CNBD1: variants seen among roughly 807,000 people sequenced by gnomAD.
CNBD1 encodes cyclic nucleotide-binding domain-containing protein 1.
CNBD1 carries 71 observed loss-of-function variants against 54.4 expected under a neutral mutation model. The ratio of observed to expected loss-of-function variants is 1.30; its 90% confidence interval spans 1.08 to 1.59. CNBD1 has a LOEUF of 1.59. Ranked by LOEUF, CNBD1 falls within the 40% of genes most tolerant of loss-of-function variation. The pLI, the probability that CNBD1 is intolerant of heterozygous loss-of-function variation, is 0.00. For synonymous variants in CNBD1, 182 were observed against 170.7 expected, an observed-to-expected ratio of 1.07 and a Z score of -0.51; for missense variants, 659 against 518.0, an observed-to-expected ratio of 1.27 and a Z score of -2.64.
At chr8:87,312,327 A>G (rs985849093) in intron 8 of CNBD1, among the ~76,000 whole-genome samples, 1 of 152,070 alleles carries the variant, frequency 6.6e-6, no homozygotes, top group African/African-American at 2.4e-5. Flanking sequence ...ATATGCACAC[A>G]TTCTCTATTC....
chr8:87,173,232 T>C (rs1037497159), intron 4 of CNBD1, among the ~76,000 whole-genome samples: 3 of 152,180 alleles, frequency 2.0e-5, no homozygotes, highest in African/African-American at 4.8e-5. Flanking sequence ...TATATCTCAT[T>C]GTAATGTCTA....
At chr8:87,197,949 A>G (rs1392619525) in intron 4 of CNBD1, among the ~76,000 whole-genome samples, 2 of 152,122 alleles carry the variant, frequency 1.3e-5, no homozygotes, top group African/African-American at 2.4e-5. Context: ...GATCGGAGAG[A>G]TTCAAGAGTC....
At chr8:87,263,134 T>G (rs113434328) in intron 6 of CNBD1, among the ~76,000 whole-genome samples, 6 of 152,280 alleles carry the variant, frequency 3.9e-5, no homozygotes, top group African/African-American at 1.4e-4. Flanking sequence ...TGGTATTATA[T>G]ATAGTGGTTT....
At chr8:87,322,480 T>C (rs1809558293) in intron 8 of CNBD1, among the ~76,000 whole-genome samples, 1 of 122,454 alleles carries the variant, frequency 8.2e-6, no homozygotes, top group Non-Finnish European at 1.8e-5. Context: ...TTCCTGACTT[T>C]TTAATGATTG....
chr8:87,025,777 G>A (rs747761127), intron 4 of CNBD1, among the ~76,000 whole-genome samples: 14 of 152,102 alleles, frequency 9.2e-5, no homozygotes, highest in Admixed American at 2.0e-4. Context: ...CGAACCCACC[G>A]GAAGGAAGAA....
At chr8:87,023,285 C>T (rs1181534040) in intron 4 of CNBD1, among the ~76,000 whole-genome samples, 2 of 72,906 alleles carry the variant, frequency 2.7e-5, no homozygotes, top group African/African-American at 1.5e-4. Flanking sequence ...TAAGATGGAA[C>T]ACAGTTAACA....
chr8:87,283,508 T>C (rs1042300562), intron 6 of CNBD1, among the ~76,000 whole-genome samples: 1 of 152,078 alleles, frequency 6.6e-6, no homozygotes, highest in Admixed American at 6.6e-5. Flanking sequence ...CCTAGGAGTT[T>C]TACTAGTTGT....
In CNBD1 at chr8:87,329,156, C is replaced by T. The variant is rs118124619; in HGVS notation, c.1043-22529C>T. ...TTTTGCATGTGGATGTGCAGTTGTT[C>T]AGCACTGTTCTTTGGAAAGACTACC... On this transcript the variant is annotated intron_variant, in intron 8 of 10. Coordinates refer to ENST00000518476, the MANE Select transcript of CNBD1 (RefSeq NM_173538.3). Among the ~76,000 whole-genome samples the T allele has an allele frequency of 1.3e-3, 204 of 152,096 alleles. 2 individuals carry two copies. The East Asian group carries it at 0.022, about 16-fold the overall frequency.
chr8:87,186,967 A>G (rs1054178852), intron 4 of CNBD1, among the ~76,000 whole-genome samples: 1 of 152,116 alleles, frequency 6.6e-6, no homozygotes, highest in South Asian at 2.1e-4. Flanking sequence ...AAGTGGATTA[A>G]TTATCATTGA....
At chr8:87,426,530 A>G (rs543590185) in intron 2 of CNBD1, among the ~76,000 whole-genome samples, 212 of 152,362 alleles carry the variant, frequency 1.4e-3, no homozygotes, top group African/African-American at 4.7e-3. Flanking sequence ...ATTAAAAACA[A>G]TAACAGAAAC....
chr8:87,370,437 T>C (rs1810755547), intron 10 of CNBD1, among the ~76,000 whole-genome samples: 1 of 152,152 alleles, frequency 6.6e-6, no homozygotes, highest in Non-Finnish European at 1.5e-5. Context: ...TGTGAGATGG[T>C]ATCTCATTGT....
intron 5 of CNBD1, among the ~76,000 whole-genome samples, chr8:87,223,230 T>TTTTA (rs201362606): frequency 0.047 from 7,054 of 149,580 alleles, 503 homozygotes; most frequent in African/African-American, 0.15. Context: ...TTTTTTTAAT[T>TTTTA]TTTATTTATT....
chr8:87,358,878 T>C (rs972311267), intron 10 of CNBD1, among the ~76,000 whole-genome samples: 1 of 152,182 alleles, frequency 6.6e-6, no homozygotes, highest in East Asian at 1.9e-4. Flanking sequence ...GATGGCCATC[T>C]TAGCTGAAGA....
chr8:87,370,454 G>C (rs899146261), intron 10 of CNBD1, among the ~76,000 whole-genome samples: 1 of 152,110 alleles, frequency 6.6e-6, no homozygotes, highest in African/African-American at 2.4e-5. Flanking sequence ...TTGTGGTTTT[G>C]ATTTGCATTT....
intron 3 of CNBD1, among the ~76,000 whole-genome samples, chr8:86,916,873 T>A (rs922994375): frequency 1.4e-5 from 2 of 144,046 alleles, no homozygotes; most frequent in Non-Finnish European, 3.1e-5. Context: ...CCAGCTAACT[T>A]TTTTTTTTTT....
chr8:86,893,583 A>G (rs1440857413), intron 2 of CNBD1, among the ~76,000 whole-genome samples: 3 of 152,196 alleles, frequency 2.0e-5, no homozygotes, highest in Non-Finnish European at 4.4e-5. Flanking sequence ...GAAACAAATC[A>G]TTCTTTCCTG....
At chr8:87,206,229 A>T (rs1813972834) in intron 5 of CNBD1, 91 bp downstream of exon 5, 1 of 1,039,652 alleles carries the variant, frequency 9.6e-7, no homozygotes, top group South Asian at 2.6e-5. Context: ...AATTTCACTT[A>T]ACAATTTCAG....
At chr8:87,088,342 G>C (rs553881780) in intron 4 of CNBD1, among the ~76,000 whole-genome samples, 1 of 152,216 alleles carries the variant, frequency 6.6e-6, no homozygotes, top group South Asian at 2.1e-4. Flanking sequence ...AAACTAAGTG[G>C]TCCTGGTTAT....
chr8:87,048,889 C>A (rs117907776), intron 4 of CNBD1, among the ~76,000 whole-genome samples: 1 of 152,122 alleles, frequency 6.6e-6, no homozygotes, highest in Non-Finnish European at 1.5e-5. Flanking sequence ...GGTTTTCCCC[C>A]CAAAACAATC....
Sources: allele counts gnomAD v4.1 joint callset (sites outside exome capture counted in the v4.1 genomes callset), GRCh38; gene constraint gnomAD v4.1.1; transcripts MANE v1.5; gene names NCBI Gene and HGNC (gene_info 2026-07-23, HGNC 2026-07-21).